Variants in NT5DC1 observed in about 807,000 individuals in gnomAD.
NT5DC1 encodes 5'-nucleotidase domain-containing protein 1.
NT5DC1 carries 42 observed loss-of-function variants against 59.4 expected under a neutral mutation model. The ratio of observed to expected loss-of-function variants is 0.71; its 90% CI spans 0.55 to 0.92. The LOEUF is 0.92. Ranked by LOEUF, NT5DC1 falls within the 40% of genes least tolerant of loss-of-function variation. NT5DC1 has a pLI of 0.00. For synonymous variants in NT5DC1, 172 were observed against 188.1 expected (o/e 0.91, Z 0.70); for missense variants, 501 against 537.1 (o/e 0.93, Z 0.66).
chr6:116,163,721 A>G (rs1032623027), intron 6 of NT5DC1, among the ~76,000 whole-genome samples: 3 of 152,014 alleles, frequency 2.0e-5, no homozygotes, highest in African/African-American at 7.3e-5. Flanking sequence ...TGCGAATTTG[A>G]GATCTATCTT....
intron 7 of NT5DC1, 122 bp downstream of exon 7, chr6:116,221,350 G>A (rs1484027290): frequency 3.2e-6 from 2 of 628,694 alleles, no homozygotes; most frequent in Non-Finnish European, 5.5e-6. Context: ...TGAGTGACAA[G>A]TTGATTTTTT....
At chr6:116,233,448 T>C (rs1782055491) in intron 8 of NT5DC1, among the ~76,000 whole-genome samples, 1 of 152,200 alleles carries the variant, frequency 6.6e-6, no homozygotes, top group African/African-American at 2.4e-5. Flanking sequence ...TGGCTGAGGC[T>C]CCATCCTAAG....
chr6:116,158,080 A>G (rs1024783407), intron 6 of NT5DC1, among the ~76,000 whole-genome samples: 2 of 152,194 alleles, frequency 1.3e-5, no homozygotes, highest in African/African-American at 4.8e-5. Context: ...CAAAAAGTCA[A>G]TTTCTCTGAA....
At chr6:116,115,421 T>C (rs1031327140) in intron 4 of NT5DC1, among the ~76,000 whole-genome samples, 1 of 152,246 alleles carries the variant, frequency 6.6e-6, no homozygotes, top group Non-Finnish European at 1.5e-5. Context: ...ATATACTCTT[T>C]TTAGTTTTTA....
chr6:116,135,582 C>T (rs1220261387), intron 6 of NT5DC1, among the ~76,000 whole-genome samples: 1 of 151,546 alleles, frequency 6.6e-6, no homozygotes, highest in African/African-American at 2.4e-5. Flanking sequence ...AATATAACTT[C>T]TATTACCAAA....
intron 6 of NT5DC1, among the ~76,000 whole-genome samples, chr6:116,135,724 C>G (rs1396531915): frequency 6.6e-6 from 1 of 150,720 alleles, no homozygotes; most frequent in Admixed American, 6.6e-5. Flanking sequence ...ATACCCATCC[C>G]TGGTCATAGT....
At chr6:116,153,412 C>T (rs1250338846) in intron 6 of NT5DC1, among the ~76,000 whole-genome samples, 1 of 152,120 alleles carries the variant, frequency 6.6e-6, no homozygotes. Context: ...ATGATACATT[C>T]AGTTATCTTT....
chr6:116,218,747 CTTTGTT>C (rs199661035), intron 6 of NT5DC1, among the ~76,000 whole-genome samples: 5,677 of 152,098 alleles, frequency 0.037, 150 homozygotes, highest in Non-Finnish European at 0.058. Context: ...AGAGCAAAAA[CTTTGTT>C]TTTGTTTTTG....
At chr6:116,236,794 A>G (rs1217243294) in intron 8 of NT5DC1, among the ~76,000 whole-genome samples, 172 bp from the exon 9 acceptor site, 1 of 152,192 alleles carries the variant, frequency 6.6e-6, no homozygotes, top group Admixed American at 6.5e-5. Flanking sequence ...ACGGGATTAA[A>G]AAGTATATAC....
At chr6:116,204,918 G>T (rs187053109) in intron 6 of NT5DC1, among the ~76,000 whole-genome samples, 11 of 151,970 alleles carry the variant, frequency 7.2e-5, no homozygotes, top group African/African-American at 2.7e-4. Context: ...TTTGGGTGAG[G>T]AAAGCAAATT....
rs1771860016 is a variant in NT5DC1, at chr6:116,246,940, A to C, written c.*2916A>C. 1 of 152,230 alleles carries C rather than the reference A, an allele frequency of 6.6e-6. No homozygotes were observed. The highest frequency in any genetic ancestry group is 1.5e-5 in the Non-Finnish European group (1 of 68,030). The allele number at this position is 152,230 out of a possible 1,614,324, so 9.4% of individuals were successfully genotyped here. ...GTAGCCTCACTAGGCTACTTCATGT[A>C]CATTATCTTGTTTACTCTCTATAGC... On this transcript the variant is annotated 3_prime_UTR_variant, in exon 12 of 12. Transcript: ENST00000319550.
At chr6:116,135,896 A>C (rs1397351874) in intron 6 of NT5DC1, among the ~76,000 whole-genome samples, 1 of 140,284 alleles carries the variant, frequency 7.1e-6, no homozygotes, top group Admixed American at 7.2e-5. Flanking sequence ...CACATTGCTA[A>C]ATGGTTACCA....
In NT5DC1 at chr6:116,167,501, C is replaced by T. The variant is rs563796083; in HGVS notation, c.529+49556C>T. ...TGCTAGGATTACAGGTGTGAGCCAC[C>T]GTGCCCAGCCCACATAGAACTTTCT... On this transcript the variant is annotated intron_variant, in intron 6 of 11. Coordinates refer to ENST00000319550, the MANE Select transcript of NT5DC1 (RefSeq NM_152729.3). Among the ~76,000 whole-genome samples, 4 of 152,152 alleles carry T rather than the reference C, an allele frequency of 2.6e-5. No homozygotes were observed. The South Asian group carries it at 6.2e-4, about 24-fold the overall frequency.
intron 6 of NT5DC1, among the ~76,000 whole-genome samples, chr6:116,123,505 C>T (rs1236477908): frequency 1.3e-5 from 2 of 152,244 alleles, no homozygotes; most frequent in Non-Finnish European, 2.9e-5. Context: ...GAATGTGGCA[C>T]GTGCATCTGC....
At chr6:116,225,676 C>G (rs921468833) in intron 8 of NT5DC1, among the ~76,000 whole-genome samples, 3 of 152,148 alleles carry the variant, frequency 2.0e-5, no homozygotes, top group African/African-American at 7.2e-5. Context: ...TTGAGTAGTT[C>G]ATTGGAGGTA....
At chr6:116,209,639 G>A (rs1347353330) in intron 6 of NT5DC1, among the ~76,000 whole-genome samples, 3 of 151,872 alleles carry the variant, frequency 2.0e-5, no homozygotes, top group Non-Finnish European at 2.9e-5. Context: ...GGAAGGCAGA[G>A]TATTCCAGGA....
In NT5DC1 at chr6:116,244,563, G is replaced by A. The variant is rs1238010668; in HGVS notation, c.*539G>A. ...TTGGTCTGGGTAAATATGGCTGAGC[G>A]TTGTTATCTTTTGTTATCTTTTATA... On this transcript the variant is annotated 3_prime_UTR_variant, in exon 12 of 12. Coordinates refer to ENST00000319550, the MANE Select transcript of NT5DC1 (RefSeq NM_152729.3). 3.3e-5 allele frequency: 5 copies of A among 152,330 alleles called. No individual in the cohort carries two copies. The highest frequency in any genetic ancestry group is 6.8e-3 in the Middle Eastern group (2 of 294). The allele number at this position is 152,330 out of a possible 1,614,324, so 9.4% of individuals were successfully genotyped here. A position where few individuals can be genotyped will look rare whatever the true frequency, so the allele number is the denominator to read the frequency against.
rs551706800 is a variant in NT5DC1 at position 116,248,502 on chromosome 6, T to A, written c.*4478T>A. 6.6e-6 allele frequency: 1 copy of A among 152,202 alleles called. No individual in the cohort carries two copies. Among genetic ancestry groups the A allele is most frequent in the African/African-American group, 2.4e-5 (1 of 41,504 alleles). The allele number at this position is 152,202 out of a possible 1,614,324, so 9.4% of individuals were successfully genotyped here. A position where few individuals can be genotyped will look rare whatever the true frequency, so the allele number is the denominator to read the frequency against. On this transcript the variant is annotated 3_prime_UTR_variant, in exon 12 of 12. Coordinates refer to ENST00000319550, the MANE Select transcript of NT5DC1 (RefSeq NM_152729.3). The stretch of plus-strand genomic sequence containing the variant: ...GATGAAAACATTTAAGGACGTTGAG[T>A]TAACTGGAGATAAAGCAGCAGCACG...
chr6:116,165,573 G>A (rs1481013800), intron 6 of NT5DC1, among the ~76,000 whole-genome samples: 2 of 152,028 alleles, frequency 1.3e-5, no homozygotes, highest in African/African-American at 4.8e-5. Context: ...GGGTTAATTC[G>A]AAAAATGCCT....
Sources: gnomAD v4.1 joint callset for allele counts (sites outside exome capture counted in the v4.1 genomes callset) on GRCh38, gnomAD v4.1.1 for gene constraint, MANE v1.5 for transcripts, NCBI Gene and HGNC (gene_info 2026-07-23, HGNC 2026-07-21) for gene names.